NME8: variants seen among roughly 807,000 people sequenced by gnomAD.
The protein encoded by NME8 is NME/NM23 family member 8, also known as protein NME8.
In NME8, 72 loss-of-function variants were observed where a neutral mutation model predicts 82.3. That is an observed-to-expected ratio of 0.87 (90% CI 0.72 to 1.06). The LOEUF (loss-of-function observed/expected upper bound fraction) is 1.06. Ranked by LOEUF, NME8 falls within the 50% of genes least tolerant of loss-of-function variation. The pLI, the probability that NME8 is intolerant of heterozygous loss-of-function variation, is 0.00. For missense variants in NME8, 712 were observed against 685.4 expected (o/e 1.04, Z -0.43); for synonymous variants, 267 against 228.5 (o/e 1.17, Z -1.52).
At chr7:37,885,086 C>T (rs1583641979) in intron 13 of NME8, 59 bp from the exon 14 acceptor site, 8 of 998,416 alleles carry the variant, frequency 8.0e-6, no homozygotes, top group East Asian at 7.4e-5. Flanking sequence ...ATTGCCTATA[C>T]ATAATTAGCT....
rs766918975 is a variant in NME8, at chr7:37,876,895, T to C, written c.882T>C (p.Ala294=). The C allele has an allele frequency of 2.2e-5, 36 of 1,612,856 alleles. No homozygotes were observed. In the East Asian group the frequency reaches 7.4e-4, roughly 33 times the overall value. Residue 294 remains alanine (A), a synonymous_variant, in exon 12 of 18, where the codon GCT becomes GCC. Coordinates refer to ENST00000199447, the MANE Select transcript of NME8 (RefSeq NM_016616.5). ...AQLCDIEEDA[A]NVAKFMDAFF... ...TCTGTGACATTGAAGAGGATGCAGC[T>C]AATGTTGCTAAGTTCATGGATGCTT...
At chr7:37,867,448 G>T (rs941632247) in intron 10 of NME8, among the ~76,000 whole-genome samples, 1 of 151,820 alleles carries the variant, frequency 6.6e-6, no homozygotes, top group Non-Finnish European at 1.5e-5. Flanking sequence ...ACCCTGCTCT[G>T]GTTATTATAC....
At chr7:37,881,188 ATGAATT>A (rs1784939912) in intron 12 of NME8, among the ~76,000 whole-genome samples, 1 of 152,130 alleles carries the variant, frequency 6.6e-6, no homozygotes, top group Non-Finnish European at 1.5e-5. Flanking sequence ...GATTTCCAGT[ATGAATT>A]TGAAGAGGAG....
Position 37,900,301 on chromosome 7 carries a change from C to T in NME8, c.*73C>T, listed in dbSNP as rs148924268. On this transcript the variant is annotated 3_prime_UTR_variant, in exon 18 of 18. Coordinates refer to ENST00000199447, the MANE Select transcript of NME8 (RefSeq NM_016616.5). ...AATATACAACCATTTGGCACAGCTT[C>T]CTGGGAGGAATAATAAGAAAAACAT... 30 of 152,268 alleles carry T rather than the reference C, an allele frequency of 2.0e-4. No homozygotes were observed. Among genetic ancestry groups the T allele is most frequent in the African/African-American group, 6.7e-4 (28 of 41,556 alleles). The allele number at this position is 152,268 out of a possible 1,614,324, so 9.4% of individuals were successfully genotyped here. A position where few individuals can be genotyped will look rare whatever the true frequency, so the allele number is the denominator to read the frequency against.
intron 10 of NME8, among the ~76,000 whole-genome samples, chr7:37,866,071 T>A (rs1784671688): frequency 6.6e-6 from 1 of 151,930 alleles, no homozygotes; most frequent in Admixed American, 6.6e-5. Context: ...CACCAACTCT[T>A]TTTTGTCTGG....
intron 13 of NME8, 68 bp from the exon 14 acceptor site, chr7:37,885,077 T>C (rs1785020402): frequency 6.7e-6 from 6 of 891,796 alleles, no homozygotes; most frequent in Non-Finnish European, 1.1e-5. Context: ...TGCATTTGTA[T>C]TGCCTATACA....
At chr7:37,884,221 C>T (rs1191532596) in intron 12 of NME8, 82 bp from the exon 13 acceptor site, 1 of 980,792 alleles carries the variant, frequency 1.0e-6, no homozygotes, top group Non-Finnish European at 1.6e-6. Flanking sequence ...CATTGTATGC[C>T]CTCATGATAG....
intron 15 of NME8, among the ~76,000 whole-genome samples, chr7:37,892,388 T>C (rs781244737): frequency 2.6e-5 from 4 of 151,844 alleles, no homozygotes; most frequent in Non-Finnish European, 5.9e-5. Flanking sequence ...GGGATTCTTT[T>C]GAAGTTTCTG....
chr7:37,866,621 C>CT (rs1348249848), intron 10 of NME8, among the ~76,000 whole-genome samples: 1 of 152,154 alleles, frequency 6.6e-6, no homozygotes, highest in Non-Finnish European at 1.5e-5. Flanking sequence ...TTCCTACTAG[C>CT]TTTGAACTTC....
intron 17 of NME8, among the ~76,000 whole-genome samples, chr7:37,897,896 A>G (rs1785254847): frequency 1.3e-5 from 2 of 152,276 alleles, no homozygotes; most frequent in Middle Eastern, 6.8e-3. Context: ...TATCCAGTCT[A>G]TCGCTGATGG....
At chr7:37,884,472 A>G (rs747747325) in intron 13 of NME8, 25 bp downstream of exon 13, 1 of 1,597,786 alleles carries the variant, frequency 6.3e-7, no homozygotes, top group Non-Finnish European at 8.6e-7. Context: ...GAGAAAATTC[A>G]GTCTGATTTA....
intron 11 of NME8, 40 bp downstream of exon 11, chr7:37,867,938 T>A: frequency 3.8e-6 from 6 of 1,575,978 alleles, no homozygotes; most frequent in Non-Finnish European, 5.2e-6. Flanking sequence ...TTGCAATGTG[T>A]TATTGGGTAA....
intron 17 of NME8, among the ~76,000 whole-genome samples, chr7:37,897,958 CAT>C (rs1785255842): frequency 6.6e-6 from 1 of 152,154 alleles, no homozygotes; most frequent in Non-Finnish European, 1.5e-5. Context: ...CTGCAATAAA[CAT>C]ATGTGTGCAT....
intron 14 of NME8, among the ~76,000 whole-genome samples, chr7:37,887,147 A>G (rs191335830): frequency 1.4e-4 from 21 of 152,326 alleles, no homozygotes; most frequent in Non-Finnish European, 2.5e-4. Flanking sequence ...AACTGAAAAA[A>G]TACCAAAGAG....
intron 12 of NME8, among the ~76,000 whole-genome samples, chr7:37,881,726 T>G (rs996206327): frequency 6.6e-6 from 1 of 152,208 alleles, no homozygotes; most frequent in African/African-American, 2.4e-5. Flanking sequence ...TTCCAGAGAA[T>G]TGGTGTCATT....
intron 13 of NME8, 146 bp downstream of exon 13, chr7:37,884,593 C>A: frequency 1.5e-6 from 1 of 669,720 alleles, no homozygotes; most frequent in Admixed American, 2.5e-5. Context: ...CTGCTCCCAT[C>A]CCAATCCTCT....
At chr7:37,896,310 A>G (rs1000312734) in intron 16 of NME8, among the ~76,000 whole-genome samples, 19 of 152,182 alleles carry the variant, frequency 1.2e-4, no homozygotes, top group Admixed American at 1.2e-3. Context: ...GCTATTGAGT[A>G]ATGATGCCAT....
At chr7:37,879,855 G>T (rs926259186) in intron 12 of NME8, among the ~76,000 whole-genome samples, 2 of 152,146 alleles carry the variant, frequency 1.3e-5, no homozygotes, top group Admixed American at 6.5e-5. Context: ...ACCTTGCCAG[G>T]ATTTGGTATT....
chr7:37,859,112 C>G (rs140729668), intron 6 of NME8, among the ~76,000 whole-genome samples: 1 of 152,068 alleles, frequency 6.6e-6, no homozygotes, highest in East Asian at 1.9e-4. Flanking sequence ...TTTTTCTTTA[C>G]GAAGTTCCCA....
Sources: allele counts gnomAD v4.1 joint callset (sites outside exome capture counted in the v4.1 genomes callset), GRCh38; gene constraint gnomAD v4.1.1; transcripts MANE v1.5; gene names NCBI Gene and HGNC (gene_info 2026-07-23, HGNC 2026-07-21).